Variants in HERC2 observed in about 807,000 individuals in gnomAD.
HERC2 encodes the protein E3 ubiquitin-protein ligase HERC2.
A neutral mutation model predicts 537.7 loss-of-function variants in HERC2; 102 were observed. That is an observed-to-expected ratio of 0.19 (90% CI 0.16 to 0.22). HERC2 has a LOEUF of 0.22. Ranked by LOEUF, HERC2 falls within the 10% of genes least tolerant of loss-of-function variation. The probability of loss-of-function intolerance (pLI) is 1.00; values close to 1 mark genes in which losing one functional copy is unlikely to be tolerated. For missense variants in HERC2, 4,236 were observed against 6,198.2 expected, an observed-to-expected ratio of 0.68 and a Z score of 10.63; for synonymous variants, 2,224 against 2,466.2, an observed-to-expected ratio of 0.90 and a Z score of 2.91.
chr15:28,280,164 C>A lies in HERC2; in HGVS notation c.446G>T (p.Arg149Leu), dbSNP rs775829993. 1.9e-6 allele frequency: 3 copies of A among 1,614,162 alleles called. No homozygotes were observed. Among genetic ancestry groups the A allele is most frequent in the Non-Finnish European group, 2.5e-6 (3 of 1,180,016 alleles). The change falls in exon 5 of 93, where the codon CGC (arginine) becomes CTC (leucine). Residue 149 changes from arginine (R) to leucine (L), a missense_variant. Physicochemically the swap from Arg to Leu is moderately radical, Grantham distance 102. Coordinates refer to ENST00000261609, the MANE Select transcript of HERC2 (RefSeq NM_004667.6). ...RLKQRLVILE[R>L]YFIALNRTVF... ...GGTTCTATTCAAGGCAATGAAATAG[C>A]GCTCCAAGATCACCAGCCTCTGCTT...
intron 85 of HERC2, 148 bp from the exon 86 acceptor site, chr15:28,121,577 G>T (rs990314007): frequency 1.7e-5 from 12 of 700,978 alleles, no homozygotes; most frequent in Non-Finnish European, 3.0e-5. Context: ...AGTTGTGAGG[G>T]TGCAGGGGAA....
intron 88 of HERC2, among the ~76,000 whole-genome samples, chr15:28,116,137 T>C (rs991243138): frequency 5.9e-5 from 9 of 152,122 alleles, no homozygotes; most frequent in Non-Finnish European, 1.0e-4. Context: ...AGGCCCTCAA[T>C]GCTAGGCACG....
chr15:28,141,285 C>A, intron 78 of HERC2, 147 bp downstream of exon 78: 1 of 605,642 alleles, frequency 1.7e-6, no homozygotes, highest in Non-Finnish European at 2.9e-6. Flanking sequence ...TATCTTAGAA[C>A]TCTAGCTGCT....
intron 4 of HERC2, among the ~76,000 whole-genome samples, chr15:28,281,862 A>T (rs778580351): frequency 5.3e-5 from 8 of 151,998 alleles, no homozygotes; most frequent in Non-Finnish European, 1.2e-4. Flanking sequence ...CTGAAGAGTC[A>T]CTGCATTTGC....
chr15:28,250,344 T>C (rs994093780), intron 20 of HERC2, among the ~76,000 whole-genome samples: 5 of 152,132 alleles, frequency 3.3e-5, no homozygotes, highest in Admixed American at 2.0e-4. Context: ...TCACCTTCAC[T>C]ACCTGATACC....
At position 28,265,539 on chromosome 15, in the gene HERC2, G is replaced by T; in HGVS notation, c.1870+79C>A. 1 of 1,210,882 alleles carries T rather than the reference G, an allele frequency of 8.3e-7. No individual in the cohort carries two copies. The highest frequency in any genetic ancestry group is 1.2e-6 in the Non-Finnish European group (1 of 822,646). The allele number at this position is 1,210,882 out of a possible 1,614,324, so 75.0% of individuals were successfully genotyped here. ...GGTGGGTGGCCTCGTGAGGCCCACTGTACTCATCTCACTTCCTCCAGGGAA... is the reference window on the plus strand; with the variant it reads ...GGTGGGTGGCCTCGTGAGGCCCACTTTACTCATCTCACTTCCTCCAGGGAA... On this transcript the variant is annotated intron_variant, in intron 14 of 92. Coordinates refer to ENST00000261609, the MANE Select transcript of HERC2 (RefSeq NM_004667.6). This position sits in a 1 kb window ranked among gnomAD's most constrained non-coding sequence, Gnocchi z 4.0.
intron 2 of HERC2, among the ~76,000 whole-genome samples, chr15:28,307,708 TTAACA>T (rs879864926): frequency 2.0e-5 from 3 of 152,246 alleles, no homozygotes; most frequent in Non-Finnish European, 2.9e-5. Flanking sequence ...GAGAAGATAC[TTAACA>T]TAATTTTTTT....
At chr15:28,115,608 C>T in intron 88 of HERC2, 67 bp from the exon 89 acceptor site, 1 of 1,110,322 alleles carries the variant, frequency 9.0e-7, no homozygotes. Context: ...CGCTCACTCA[C>T]ACACGCCACT....
Position 28,113,769 on chromosome 15 carries a change from G to A in HERC2, c.13914-91C>T, listed in dbSNP as rs549881645. 24 of 1,010,428 alleles carry A rather than the reference G, an allele frequency of 2.4e-5. No individual in the cohort carries two copies. In the Middle Eastern group the frequency reaches 8.2e-4, roughly 35 times the overall value. 62.6% of individuals were successfully genotyped at this position (1,010,428 alleles called of 1,614,324 possible). Reference sequence around the variant, plus strand: ...AGCCTTGGCATGCAGCACTGTGGCCGCACACGTCCCAGCTGGGAGAACAGA... The same window carrying A: ...AGCCTTGGCATGCAGCACTGTGGCCACACACGTCCCAGCTGGGAGAACAGA... On this transcript the variant is annotated intron_variant, in intron 90 of 92. Coordinates refer to ENST00000261609, the MANE Select transcript of HERC2 (RefSeq NM_004667.6). This position sits in a 1 kb window ranked among gnomAD's most constrained non-coding sequence, Gnocchi z 7.0.
chr15:28,296,742 T>C lies in HERC2; in HGVS notation c.187+2660A>G, dbSNP rs566251508. On this transcript the variant is annotated intron_variant, in intron 3 of 92. Coordinates refer to ENST00000261609, the MANE Select transcript of HERC2 (RefSeq NM_004667.6). ...ATTCCTGTCTTGGAAGACACTGTCA[T>C]ATGGACACTCTTAGCCTCAGCATCC... Among the ~76,000 whole-genome samples, 14 of 146,582 alleles carry C rather than the reference T, an allele frequency of 9.6e-5. No individual in the cohort carries two copies. In the South Asian group the frequency reaches 3.0e-3, roughly 32 times the overall value.
intron 68 of HERC2, among the ~76,000 whole-genome samples, chr15:28,163,986 C>G (rs1350757848): frequency 6.6e-6 from 1 of 152,188 alleles, no homozygotes; most frequent in Admixed American, 6.5e-5. Flanking sequence ...CCCCACCCTG[C>G]TTGTTGGCAC....
intron 70 of HERC2, among the ~76,000 whole-genome samples, chr15:28,147,027 G>A (rs1436407757): frequency 7.2e-6 from 1 of 139,724 alleles, no homozygotes; most frequent in Non-Finnish European, 1.5e-5. Flanking sequence ...CTGATTCTGG[G>A]GGGGCCGCAG....
chr15:28,282,839 G>C (rs1255479472), intron 4 of HERC2, among the ~76,000 whole-genome samples: 2 of 151,980 alleles, frequency 1.3e-5, no homozygotes, highest in Non-Finnish European at 2.9e-5. Flanking sequence ...GGCTGAGACA[G>C]AAGAATCATT....
intron 69 of HERC2, among the ~76,000 whole-genome samples, chr15:28,153,264 A>G (rs1438944641): frequency 1.3e-5 from 2 of 152,158 alleles, no homozygotes; most frequent in Non-Finnish European, 2.9e-5. Flanking sequence ...GAGGCAGGAG[A>G]ATCACTTGAA....
chr15:28,163,186 G>C lies in HERC2; in HGVS notation c.10654C>G (p.Leu3552Val). 1 of 1,613,728 alleles carries C rather than the reference G, an allele frequency of 6.2e-7. No individual in the cohort carries two copies. Among genetic ancestry groups the C allele is most frequent in the Non-Finnish European group, 8.5e-7 (1 of 1,180,014 alleles). ...IADDTRVVVD[L>V]LKLSVCSRAG... is the part of the protein sequence containing the mutation. Reference sequence around the variant, plus strand: ...CGGCTGCACACTGACAGCTTGAGCAGGTCTACCACCACACGAGTGTCATCC... The same window carrying C: ...CGGCTGCACACTGACAGCTTGAGCACGTCTACCACCACACGAGTGTCATCC... The change falls in exon 69 of 93, where the codon CTG becomes GTG. Residue 3552 changes from leucine to valine, a missense_variant. Around this residue, in one of 27 missense-constraint regions of HERC2, gnomAD observed 356 missense variants for 450.9 expected, o/e 0.79. Coordinates refer to ENST00000261609, the MANE Select transcript of HERC2 (RefSeq NM_004667.6).
chr15:28,317,722 G>C (rs1282106836), intron 2 of HERC2, among the ~76,000 whole-genome samples: 1 of 152,162 alleles, frequency 6.6e-6, no homozygotes, highest in Non-Finnish European at 1.5e-5. Context: ...TGTAGTAGTA[G>C]TTACATTTAC....
rs1903681814 is a variant in HERC2 at position 28,246,066 on chromosome 15, C to G, written c.3392G>C (p.Gly1131Ala). 6.4e-7 allele frequency: 1 copy of G among 1,571,754 alleles called. No individual in the cohort carries two copies. The highest frequency in any genetic ancestry group is 8.7e-7 in the Non-Finnish European group (1 of 1,153,264). Residue 1131 changes from glycine (G) to alanine (A), a missense_variant and splice_region_variant, in exon 23 of 93, where the codon GGT becomes GCT. This residue lies in a region of HERC2 where 754 missense variants were observed against 1,085.0 expected (regional missense o/e 0.69). Coordinates refer to ENST00000261609, the MANE Select transcript of HERC2 (RefSeq NM_004667.6). ...VAYIVEGDFTGVLLPELVVSI... is the reference protein window; with the variant it reads ...VAYIVEGDFTAVLLPELVVSI... Reference sequence around the variant, plus strand: ...AACTACTAGTTCTGGAAGGAGAACACCTACATTTAAGAAATAATAAGATTT... The same window carrying G: ...AACTACTAGTTCTGGAAGGAGAACAGCTACATTTAAGAAATAATAAGATTT...
At chr15:28,278,938 T>C (rs1161153956) in intron 5 of HERC2, among the ~76,000 whole-genome samples, 1 of 152,258 alleles carries the variant, frequency 6.6e-6, no homozygotes, top group Non-Finnish European at 1.5e-5. Flanking sequence ...TAGCAAATAG[T>C]GGAAATCTGT....
At chr15:28,244,821 C>T (rs1448721841) in intron 23 of HERC2, among the ~76,000 whole-genome samples, 1 of 152,078 alleles carries the variant, frequency 6.6e-6, no homozygotes, top group Non-Finnish European at 1.5e-5. Flanking sequence ...GTTTTAAGCT[C>T]CCATGTTAGG....
Sources: gnomAD v4.1 joint callset for allele counts (sites outside exome capture counted in the v4.1 genomes callset) on GRCh38, gnomAD v4.1.1 for gene constraint, gnomAD v4.1.1 regional missense constraint, Gnocchi (gnomAD v3.1) non-coding constraint, MANE v1.5 for transcripts, NCBI Gene and HGNC (gene_info 2026-07-23, HGNC 2026-07-21) for gene names.